Variants in CYYR1 observed in about 807,000 individuals in gnomAD.
CYYR1 encodes cysteine and tyrosine rich 1, also known as cysteine and tyrosine-rich protein 1.
CYYR1 carries 14 observed loss-of-function variants against 15.2 expected under a neutral mutation model. That is an observed-to-expected ratio of 0.92 (90% confidence interval 0.61 to 1.44). The LOEUF (loss-of-function observed/expected upper bound fraction) is 1.44, where lower values mean the gene tolerates loss of function less well. Among genes scored for constraint, CYYR1 ranks in the 40% most tolerant of loss-of-function variants. The pLI is 0.00. For missense variants in CYYR1, 228 were observed against 209.5 expected (o/e 1.09, Z -0.54); for synonymous variants, 80 against 77.4 (o/e 1.03, Z -0.18).
At chr21:26,485,188 T>C (rs540729555) in intron 2 of CYYR1, among the ~76,000 whole-genome samples, 35 of 152,204 alleles carry the variant, frequency 2.3e-4, no homozygotes, top group Admixed American at 1.0e-3. Context: ...CCTCTCTCCT[T>C]TTAAACTTTT....
At chr21:26,563,174 T>C (rs1038025572) in intron 2 of CYYR1, among the ~76,000 whole-genome samples, 4 of 151,864 alleles carry the variant, frequency 2.6e-5, no homozygotes, top group African/African-American at 9.7e-5. Flanking sequence ...AAGTTTTTCA[T>C]AAGACAGAAG....
intron 2 of CYYR1, among the ~76,000 whole-genome samples, chr21:26,509,604 A>T (rs2065618417): frequency 6.6e-6 from 1 of 152,152 alleles, no homozygotes; most frequent in Non-Finnish European, 1.5e-5. Flanking sequence ...TTACTGAAAA[A>T]GTTTATTTCT....
intron 2 of CYYR1, among the ~76,000 whole-genome samples, chr21:26,516,881 C>T (rs892808928): frequency 3.3e-5 from 5 of 151,508 alleles, no homozygotes; most frequent in African/African-American, 7.3e-5. Flanking sequence ...TTTGGGAGGC[C>T]GAGGCGGGCG....
rs188188894 is a variant in CYYR1, at chr21:26,517,941, C to T, written c.177-37512G>A. Among the ~76,000 whole-genome samples the T allele has an allele frequency of 5.9e-5, 9 of 152,324 alleles. No individual in the cohort carries two copies. In the East Asian group the frequency reaches 1.7e-3, roughly 29 times the overall value. On this transcript the variant is annotated intron_variant, in intron 2 of 3. Coordinates refer to ENST00000652641, the MANE Select transcript of CYYR1 (RefSeq NM_001320768.2). ...AGGTATTTCTTGGGGGACCTCAGCA[C>T]TTGTCTGTGACTTGAAGGCTTATCA...
chr21:26,524,821 G>A (rs1030005003), intron 2 of CYYR1, among the ~76,000 whole-genome samples: 6 of 152,114 alleles, frequency 3.9e-5, no homozygotes, highest in African/African-American at 4.8e-5. Flanking sequence ...ATGACTACAG[G>A]TAAAGACGAT....
chr21:26,505,512 A>G (rs1452685805), intron 2 of CYYR1, among the ~76,000 whole-genome samples: 2 of 152,232 alleles, frequency 1.3e-5, no homozygotes, highest in Non-Finnish European at 2.9e-5. Context: ...TGTAAGAAAA[A>G]TATATGTATT....
At chr21:26,477,747 A>G in intron 3 of CYYR1, 1 of 985,224 alleles carries the variant, frequency 1.0e-6, no homozygotes, top group South Asian at 4.7e-5. Flanking sequence ...TACCTTCTCT[A>G]CAATTAATGT....
At chr21:26,491,845 G>A (rs939224763) in intron 2 of CYYR1, among the ~76,000 whole-genome samples, 8 of 152,196 alleles carry the variant, frequency 5.3e-5, no homozygotes, top group South Asian at 2.1e-4. Context: ...CTGGGCCCTC[G>A]CAAGTTCCCA....
intron 2 of CYYR1, among the ~76,000 whole-genome samples, chr21:26,553,060 T>C (rs1397897158): frequency 2.0e-5 from 3 of 152,122 alleles, no homozygotes; most frequent in Non-Finnish European, 4.4e-5. Flanking sequence ...ATTTTCTTAA[T>C]TTTTCTTAAT....
intron 2 of CYYR1, among the ~76,000 whole-genome samples, chr21:26,526,802 T>C (rs2065872229): frequency 6.6e-6 from 1 of 152,146 alleles, no homozygotes; most frequent in South Asian, 2.1e-4. Context: ...AACTTTTGGG[T>C]AAAAGCTTTT....
At chr21:26,526,344 A>G (rs1030166115) in intron 2 of CYYR1, among the ~76,000 whole-genome samples, 8 of 152,082 alleles carry the variant, frequency 5.3e-5, no homozygotes, top group African/African-American at 1.7e-4. Flanking sequence ...GCTACTCGGG[A>G]GGCTGAGGCA....
chr21:26,540,944 C>G (rs1456159450), intron 2 of CYYR1, among the ~76,000 whole-genome samples: 1 of 151,942 alleles, frequency 6.6e-6, no homozygotes, highest in Non-Finnish European at 1.5e-5. Context: ...GAGATTGCAA[C>G]TTTAAAAAAG....
intron 2 of CYYR1, among the ~76,000 whole-genome samples, chr21:26,517,032 G>A (rs1173706535): frequency 1.4e-5 from 2 of 144,030 alleles, no homozygotes; most frequent in South Asian, 2.2e-4. Flanking sequence ...GGAGAATGGC[G>A]TGAACCCGGG....
chr21:26,527,404 T>A (rs747777949), intron 2 of CYYR1, among the ~76,000 whole-genome samples: 1 of 152,116 alleles, frequency 6.6e-6, no homozygotes, highest in Admixed American at 6.5e-5. Flanking sequence ...CATAACCAAA[T>A]AAAGTCAAAT....
intron 2 of CYYR1, among the ~76,000 whole-genome samples, chr21:26,548,485 T>G (rs1489891764): frequency 2.6e-5 from 4 of 152,244 alleles, no homozygotes; most frequent in Non-Finnish European, 5.9e-5. Flanking sequence ...TAGTTGAGAT[T>G]ACAGGCGTGT....
At chr21:26,514,601 T>C (rs1980014092) in intron 2 of CYYR1, among the ~76,000 whole-genome samples, 1 of 152,186 alleles carries the variant, frequency 6.6e-6, no homozygotes, top group Admixed American at 6.5e-5. Context: ...GCTATTCCTT[T>C]AGAGCAACAC....
chr21:26,535,725 G>C (rs953839672), intron 2 of CYYR1, among the ~76,000 whole-genome samples: 3 of 152,098 alleles, frequency 2.0e-5, no homozygotes, highest in African/African-American at 7.2e-5. Context: ...CAGTGAGTCG[G>C]TGGCCACTCT....
intron 2 of CYYR1, chr21:26,518,508 A>T (rs1042427465): frequency 6.6e-6 from 1 of 152,318 alleles, no homozygotes; most frequent in South Asian, 2.1e-4. Context: ...CTGCCTTGGG[A>T]TGACCCTTGC....
At chr21:26,501,363 A>G (rs1195318022) in intron 2 of CYYR1, among the ~76,000 whole-genome samples, 1 of 152,208 alleles carries the variant, frequency 6.6e-6, no homozygotes, top group Admixed American at 6.5e-5. Flanking sequence ...AATCAGCAAG[A>G]TGGAAAAGGC....
Sources: allele counts gnomAD v4.1 joint callset (sites outside exome capture counted in the v4.1 genomes callset), GRCh38; gene constraint gnomAD v4.1.1; transcripts MANE v1.5; gene names NCBI Gene and HGNC (gene_info 2026-07-23, HGNC 2026-07-21).